The following STIM1 variants were observed in gnomAD, a reference collection of about 807,000 sequenced individuals.
STIM1 encodes stromal interaction molecule 1.
STIM1 carries 25 observed loss-of-function variants against 74.7 expected under a neutral mutation model. The observed-to-expected ratio is 0.33, with a 90% CI of 0.24 to 0.47. STIM1 has a LOEUF of 0.47. STIM1 is among the 20% of genes least tolerant of loss of function. The probability of loss-of-function intolerance (pLI) is 1.00; values close to 1 mark genes in which losing one functional copy is unlikely to be tolerated. For missense variants in STIM1, 728 were observed against 920.8 expected (o/e 0.79, Z 2.71); for synonymous variants, 328 against 348.8 (o/e 0.94, Z 0.66).
At chr11:3,892,452 C>T (rs2091923719) in intron 1 of STIM1, 2 of 1,491,198 alleles carry the variant, frequency 1.3e-6, no homozygotes, top group Non-Finnish European at 1.9e-6. Context: ...TTCCTGGACC[C>T]AAAGTGCTCT....
intron 1 of STIM1, among the ~76,000 whole-genome samples, chr11:3,917,672 C>T (rs1341996986): frequency 3.9e-5 from 6 of 152,066 alleles, no homozygotes; most frequent in South Asian, 4.1e-4. Flanking sequence ...TGGACTCAAA[C>T]GATCACCTGC....
At chr11:4,080,205 C>T (rs1204819601) in intron 7 of STIM1, among the ~76,000 whole-genome samples, 2 of 152,074 alleles carry the variant, frequency 1.3e-5, no homozygotes, top group Non-Finnish European at 2.9e-5. Context: ...GAGACTGCAC[C>T]ACTGCACTCC....
At chr11:3,938,230 G>T (rs559717627) in intron 1 of STIM1, among the ~76,000 whole-genome samples, 1 of 152,084 alleles carries the variant, frequency 6.6e-6, no homozygotes, top group Non-Finnish European at 1.5e-5. Flanking sequence ...GAGCCACCGC[G>T]CCCGGCCTGT....
At chr11:3,982,523 G>GTGCT (rs1407380867) in intron 2 of STIM1, among the ~76,000 whole-genome samples, 2 of 152,134 alleles carry the variant, frequency 1.3e-5, no homozygotes, top group African/African-American at 4.8e-5. Flanking sequence ...TACTAGGCTT[G>GTGCT]TGCTGTGTAC....
At chr11:4,008,078 T>G (rs1217253247) in intron 2 of STIM1, among the ~76,000 whole-genome samples, 2 of 152,130 alleles carry the variant, frequency 1.3e-5, no homozygotes, top group Non-Finnish European at 2.9e-5. Flanking sequence ...CATAAGGACA[T>G]TCAGTCAACA....
At chr11:3,867,894 T>C (rs945221859) in intron 1 of STIM1, among the ~76,000 whole-genome samples, 2 of 151,688 alleles carry the variant, frequency 1.3e-5, no homozygotes, top group East Asian at 3.8e-4. Flanking sequence ...TCAAATCTCA[T>C]GTGCCTCTAA....
intron 5 of STIM1, among the ~76,000 whole-genome samples, chr11:4,065,451 GAACCCA>G (rs947254351): frequency 5.2e-4 from 79 of 151,436 alleles, no homozygotes; most frequent in African/African-American, 1.7e-3. Flanking sequence ...TCTCCTGTAG[GAACCCA>G]CAGCCCTTTG....
At chr11:4,062,010 TG>T (rs1262208997) in intron 5 of STIM1, among the ~76,000 whole-genome samples, 9 of 152,118 alleles carry the variant, frequency 5.9e-5, no homozygotes, top group Admixed American at 3.9e-4. Context: ...AACCGCTTAC[TG>T]GTAAAAAATT....
intron 6 of STIM1, among the ~76,000 whole-genome samples, chr11:4,072,011 C>A (rs1458252437): frequency 2.0e-5 from 3 of 152,158 alleles, no homozygotes; most frequent in African/African-American, 7.2e-5. Flanking sequence ...CAGTTAGGAG[C>A]TAACTGCTGC....
chr11:3,903,690 G>A (rs1406739398), intron 1 of STIM1: 1 of 152,190 alleles, frequency 6.6e-6, no homozygotes, highest in East Asian at 1.9e-4. Flanking sequence ...ACTTCCTGTT[G>A]TCATTAGAAT....
In STIM1 at chr11:4,092,927, CTG is replaced by C. The variant is rs1187259322; in HGVS notation, c.*1134_*1135del. 6.6e-6 allele frequency: 1 copy of C among 152,348 alleles called. No individual in the cohort carries two copies. Among genetic ancestry groups the C allele is most frequent in the African/African-American group, 2.4e-5 (1 of 41,440 alleles). 9.4% of individuals were successfully genotyped at this position (152,348 alleles called of 1,614,324 possible). On this transcript the variant is annotated 3_prime_UTR_variant, in exon 13 of 13. Coordinates refer to ENST00000526596, the MANE Select transcript of STIM1 (RefSeq NM_001382567.1). ...AGGAAGATGGTATAGGTGAAGGCGG[CTG>C]TGTGACCACTTTCCCCCACCCTTCC...
At chr11:4,075,945 C>A (rs1349208474) in intron 7 of STIM1, among the ~76,000 whole-genome samples, 1 of 151,948 alleles carries the variant, frequency 6.6e-6, no homozygotes, top group East Asian at 1.9e-4. Flanking sequence ...TTATTAAACA[C>A]CTTTTTATAA....
chr11:3,943,166 A>T (rs1179331134), intron 1 of STIM1, among the ~76,000 whole-genome samples: 7 of 152,176 alleles, frequency 4.6e-5, no homozygotes, highest in Admixed American at 4.6e-4. Flanking sequence ...CCTAAGGCCA[A>T]GCTCTGAGGG....
intron 1 of STIM1, among the ~76,000 whole-genome samples, chr11:3,928,522 C>T (rs995235444): frequency 2.6e-5 from 4 of 152,012 alleles, no homozygotes; most frequent in Admixed American, 6.6e-5. Context: ...CCACAACGCT[C>T]GGCTGCTATT....
At chr11:3,930,015 T>C (rs968319331) in intron 1 of STIM1, among the ~76,000 whole-genome samples, 5 of 152,144 alleles carry the variant, frequency 3.3e-5, no homozygotes, top group Admixed American at 3.3e-4. Flanking sequence ...AATCTGCCCA[T>C]CCCCTTTTAG....
chr11:4,015,934 G>C (rs980055616), intron 2 of STIM1, among the ~76,000 whole-genome samples: 33 of 152,068 alleles, frequency 2.2e-4, no homozygotes, highest in Admixed American at 1.8e-3. Context: ...ATTTTAGTTA[G>C]CCATTTGTCT....
rs570354555 is a variant in STIM1, at chr11:3,901,048, G to A, written c.139+44639G>A. Among the ~76,000 whole-genome samples, 15 of 152,242 alleles carry A rather than the reference G, an allele frequency of 9.9e-5. No individual in the cohort carries two copies. In the South Asian group the frequency reaches 2.7e-3, roughly 27 times the overall value. On this transcript the variant is annotated intron_variant, in intron 1 of 12. Coordinates refer to ENST00000526596, the MANE Select transcript of STIM1 (RefSeq NM_001382567.1). ...TCTATTAAAAATACAAAAATTAGCC[G>A]GGCATGGTGGTGTGCGCTTGTAGTC...
chr11:3,939,771 C>G (rs2092982321), intron 1 of STIM1, among the ~76,000 whole-genome samples: 1 of 152,020 alleles, frequency 6.6e-6, no homozygotes, highest in East Asian at 1.9e-4. Flanking sequence ...AAGGAAGATT[C>G]TTTGTTTCCT....
intron 5 of STIM1, among the ~76,000 whole-genome samples, chr11:4,062,430 G>A (rs185448287): frequency 6.6e-6 from 1 of 152,292 alleles, no homozygotes; most frequent in Admixed American, 6.5e-5. Flanking sequence ...GAACAGCCTG[G>A]CCAACATGGC....
Sources: allele counts gnomAD v4.1 joint callset (sites outside exome capture counted in the v4.1 genomes callset), GRCh38; gene constraint gnomAD v4.1.1; transcripts MANE v1.5; gene names NCBI Gene and HGNC (gene_info 2026-07-23, HGNC 2026-07-21).